Variants in SGMS1 observed in about 807,000 individuals in gnomAD.
The protein encoded by SGMS1 is sphingomyelin synthase 1.
SGMS1 carries 13 observed loss-of-function variants against 46.2 expected under a neutral mutation model. The observed-to-expected ratio is 0.28, with a 90% CI of 0.18 to 0.45. SGMS1 has a LOEUF of 0.45. Ranked by LOEUF, SGMS1 falls within the 20% of genes least tolerant of loss-of-function variation. The pLI, the probability that SGMS1 is intolerant of heterozygous loss-of-function variation, is 1.00. For missense variants in SGMS1, 324 were observed against 519.9 expected (o/e 0.62, Z 3.66); for synonymous variants, 203 against 187.8 (o/e 1.08, Z -0.66).
At chr10:50,455,431 T>C (rs532695300) in intron 5 of SGMS1, among the ~76,000 whole-genome samples, 2 of 152,230 alleles carry the variant, frequency 1.3e-5, no homozygotes, top group Non-Finnish European at 2.9e-5. Context: ...TCTTCATACA[T>C]TGATACCCCT....
At chr10:50,604,266 C>A (rs1286255514) in intron 1 of SGMS1, among the ~76,000 whole-genome samples, 1 of 152,142 alleles carries the variant, frequency 6.6e-6, no homozygotes, top group Non-Finnish European at 1.5e-5. Flanking sequence ...TGGTCCCCCA[C>A]ATGAGCCTGC....
intron 1 of SGMS1, among the ~76,000 whole-genome samples, chr10:50,604,846 T>C (rs1838681122): frequency 1.1e-5 from 1 of 92,494 alleles, no homozygotes; most frequent in African/African-American, 3.8e-5. Flanking sequence ...ACTAAAAAGA[T>C]CATACAAGAA....
intron 1 of SGMS1, among the ~76,000 whole-genome samples, chr10:50,610,061 C>T (rs1030277885): frequency 1.3e-5 from 2 of 152,132 alleles, no homozygotes; most frequent in African/African-American, 4.8e-5. Context: ...AAGACAGAAA[C>T]ACATTGTAGC....
upstream of SGMS1, chr10:50,624,715 G>A: frequency 2.0e-6 from 2 of 985,428 alleles, no homozygotes; most frequent in African/African-American, 1.7e-5. Context: ...CCTGAAGGAA[G>A]GTTTTCCTCT....
intron 8 of SGMS1, among the ~76,000 whole-genome samples, chr10:50,317,562 T>C (rs1847362674): frequency 6.6e-6 from 1 of 152,198 alleles, no homozygotes; most frequent in South Asian, 2.1e-4. Context: ...ACACCTGCTA[T>C]TGTTGCAAAC....
At chr10:50,367,027 T>C (rs1848359204) in intron 6 of SGMS1, among the ~76,000 whole-genome samples, 1 of 152,018 alleles carries the variant, frequency 6.6e-6, no homozygotes, top group Admixed American at 6.6e-5. Flanking sequence ...AATAAACATA[T>C]GAAAAAAAGC....
chr10:50,538,399 A>G (rs950158130), intron 2 of SGMS1, among the ~76,000 whole-genome samples: 2 of 149,406 alleles, frequency 1.3e-5, no homozygotes, highest in African/African-American at 4.9e-5. Context: ...CGGAGCTTGC[A>G]GTGAGCCAAG....
At chr10:50,434,720 C>CAAA (rs35940464) in intron 5 of SGMS1, among the ~76,000 whole-genome samples, 25,463 of 136,876 alleles carry the variant, frequency 0.19, 2,929 homozygotes, top group Non-Finnish European at 0.27. Context: ...ACTAAAAATA[C>CAAA]AAAAAAAAAA....
At chr10:50,315,177 A>G (rs1355812053) in intron 8 of SGMS1, among the ~76,000 whole-genome samples, 1 of 152,250 alleles carries the variant, frequency 6.6e-6, no homozygotes, top group African/African-American at 2.4e-5. Flanking sequence ...TAGTAAGTCT[A>G]GATTGTAAGC....
chr10:50,562,362 GCGCACACACA>G (rs1322426662), intron 2 of SGMS1, among the ~76,000 whole-genome samples: 1 of 120,718 alleles, frequency 8.3e-6, no homozygotes, highest in African/African-American at 3.0e-5. Flanking sequence ...GTGTGCGCGC[GCGCACACACA>G]CACACTCACA....
chr10:50,593,027 T>C (rs550256100), intron 1 of SGMS1, among the ~76,000 whole-genome samples: 2 of 151,360 alleles, frequency 1.3e-5, no homozygotes, highest in Non-Finnish European at 3.0e-5. Context: ...AATGCTGGCG[T>C]GAGACTGCAA....
intron 1 of SGMS1, among the ~76,000 whole-genome samples, chr10:50,594,331 G>T (rs1463684080): frequency 6.6e-6 from 1 of 152,168 alleles, no homozygotes; most frequent in Admixed American, 6.6e-5. Flanking sequence ...AGTAAATTCA[G>T]AGGCTGTTTT....
intron 2 of SGMS1, among the ~76,000 whole-genome samples, chr10:50,553,188 T>C (rs1461645691): frequency 6.6e-6 from 1 of 152,246 alleles, no homozygotes; most frequent in African/African-American, 2.4e-5. Context: ...TAGCCTTAGT[T>C]AGCAAGGTTT....
At chr10:50,438,131 T>C (rs1014246920) in intron 5 of SGMS1, among the ~76,000 whole-genome samples, 2 of 152,216 alleles carry the variant, frequency 1.3e-5, no homozygotes, top group African/African-American at 4.8e-5. Context: ...GCCATATTCT[T>C]GGCCAGTCTC....
chr10:50,618,719 A>G (rs1303324141), intron 1 of SGMS1, among the ~76,000 whole-genome samples: 1 of 152,204 alleles, frequency 6.6e-6, no homozygotes. Context: ...AGAGTAATTT[A>G]GCAGTGTTTA....
chr10:50,581,683 C>T (rs1838435779), intron 2 of SGMS1, among the ~76,000 whole-genome samples: 1 of 152,170 alleles, frequency 6.6e-6, no homozygotes, highest in African/African-American at 2.4e-5. Context: ...AACTTAGGGT[C>T]ATTTTTCTAG....
intron 6 of SGMS1, among the ~76,000 whole-genome samples, chr10:50,361,050 A>G (rs1193499464): frequency 6.6e-6 from 1 of 152,180 alleles, no homozygotes; most frequent in Admixed American, 6.5e-5. Context: ...TATAAAGTAA[A>G]AGTAATCCTG....
chr10:50,383,131 G>A lies in SGMS1; in HGVS notation c.-231-38786C>T, dbSNP rs760433264. On this transcript the variant is annotated intron_variant, in intron 6 of 10. Transcript: ENST00000361781. ...TCAAATTATCTCGGCAAAAATTTTG[G>A]GTTAGTGTATTGTACCTATTTTACA... Among the ~76,000 whole-genome samples, 35 of 152,086 alleles carry A rather than the reference G, an allele frequency of 2.3e-4. 1 individual carries two copies. Among genetic ancestry groups the A allele is most frequent in the Middle Eastern group, 6.8e-3 (2 of 294 alleles).
intron 6 of SGMS1, among the ~76,000 whole-genome samples, chr10:50,421,282 C>T (rs1588809766): frequency 6.6e-6 from 1 of 152,156 alleles, no homozygotes; most frequent in East Asian, 1.9e-4. Flanking sequence ...CTCCTTGTTC[C>T]CCTAAAGCTG....
Sources: gnomAD v4.1 joint callset for allele counts (sites outside exome capture counted in the v4.1 genomes callset) on GRCh38, gnomAD v4.1.1 for gene constraint, MANE v1.5 for transcripts, NCBI Gene and HGNC (gene_info 2026-07-23, HGNC 2026-07-21) for gene names.